Variants in CELSR1 observed in about 807,000 individuals in gnomAD.
CELSR1 encodes cadherin EGF LAG seven-pass G-type receptor 1.
CELSR1 carries 110 observed loss-of-function variants against 249.1 expected under a neutral mutation model. The ratio of observed to expected loss-of-function variants is 0.44; its 90% CI spans 0.38 to 0.52. The LOEUF (loss-of-function observed/expected upper bound fraction) is 0.52. CELSR1 is among the 20% of genes least tolerant of loss of function. CELSR1 has a pLI of 0.00. For synonymous variants in CELSR1, 2,113 were observed against 1,900.0 expected, an observed-to-expected ratio of 1.11 and a Z score of -2.92; for missense variants, 4,109 against 4,296.4, an observed-to-expected ratio of 0.96 and a Z score of 1.22.
In CELSR1 at chr22:46,484,995, TTTCAAGAGACTGA is replaced by T. The variant is rs1249381154; in HGVS notation, c.3545-20663_3545-20651del. On this transcript the variant is annotated intron_variant, in intron 1 of 34. Coordinates refer to ENST00000674500, the MANE Select transcript of CELSR1 (RefSeq NM_001378328.1). This position sits in a 1 kb window ranked among gnomAD's most constrained non-coding sequence, Gnocchi z 4.5. ...TTGCTGAGAAAATTCCAGTCCTAAA[TTTCAAGAGACTGA>T]TTCAGCATGACATTAGAAGGGTCAT... Among the ~76,000 whole-genome samples, 6 of 152,000 alleles carry T rather than the reference TTTCAAGAGACTGA, an allele frequency of 3.9e-5. No individual in the cohort carries two copies. Among genetic ancestry groups the T allele is most frequent in the African/African-American group, 1.2e-4 (5 of 41,402 alleles).
At chr22:46,376,256 G>C (rs2078917030) in intron 24 of CELSR1, among the ~76,000 whole-genome samples, 1 of 152,204 alleles carries the variant, frequency 6.6e-6, no homozygotes, top group South Asian at 2.1e-4. Context: ...GGCATTCATA[G>C]ATTTTTAAAA....
At position 46,490,759 on chromosome 22, in the gene CELSR1, G is replaced by C. The variant is rs921152532; in HGVS notation, c.3545-26414C>G. 6.6e-6 allele frequency among the ~76,000 whole-genome samples: 1 copy of C among 152,164 alleles called. No homozygotes were observed. The highest frequency in any genetic ancestry group is 2.4e-5 in the African/African-American group (1 of 41,408). ...CTGCAGCCACCACAGGGTGCAGAGT[G>C]AGTTTCTGGTTTTGCCGCTCTTGTG... On this transcript the variant is annotated intron_variant, in intron 1 of 34. Coordinates refer to ENST00000674500, the MANE Select transcript of CELSR1 (RefSeq NM_001378328.1). This position sits in a 1 kb window ranked among gnomAD's most constrained non-coding sequence, Gnocchi z 5.2.
chr22:46,498,946 G>A (rs1410389898), intron 1 of CELSR1, among the ~76,000 whole-genome samples: 11 of 152,008 alleles, frequency 7.2e-5, no homozygotes, highest in Admixed American at 3.3e-4. Flanking sequence ...CTGGGAGGCC[G>A]AGGCAGGTGG....
rs148649879 is a variant in CELSR1, at chr22:46,441,014, G to T, written c.4184-1603C>A. Among the ~76,000 whole-genome samples, 720 of 152,148 alleles carry T rather than the reference G, an allele frequency of 4.7e-3. 6 individuals are homozygous for T. Among genetic ancestry groups the T allele is most frequent in the African/African-American group, 0.016 (681 of 41,494 alleles). On this transcript the variant is annotated intron_variant, in intron 2 of 34. Coordinates refer to ENST00000674500, the MANE Select transcript of CELSR1 (RefSeq NM_001378328.1). The surrounding 1 kb of genome is among the most constrained non-coding windows in gnomAD (Gnocchi z 6.1). ...CTAAAAATACAAAAATTAGCCAGGC[G>T]TGGTGGCGGGTGCCTGTAATCCCAT...
Position 46,428,306 on chromosome 22 carries a change from C to T in CELSR1, c.4611+5087G>A. Among the ~76,000 whole-genome samples the T allele has an allele frequency of 6.6e-6, 1 of 152,234 alleles. No homozygotes were observed. The highest frequency in any genetic ancestry group is 1.9e-4 in the East Asian group (1 of 5,196). On this transcript the variant is annotated intron_variant, in intron 5 of 34. Transcript: ENST00000674500. This position sits in a 1 kb window ranked among gnomAD's most constrained non-coding sequence, Gnocchi z 5.7. ...TCCAGCAGCCAGCTCAGGCATGGGG[C>T]TTCATTGCGTGTGGTCTAGCCACCC...
At position 46,382,066 on chromosome 22, in the gene CELSR1, A is replaced by G. The variant is rs1174390455; in HGVS notation, c.6884-16T>C. On this transcript the variant is annotated splice_polypyrimidine_tract_variant and intron_variant, in intron 20 of 34. Coordinates refer to ENST00000674500, the MANE Select transcript of CELSR1 (RefSeq NM_001378328.1). ...AGGGGGCCTTCTGCAATGTGAGCAG[A>G]AGGTGAGGACTCTGGCAGGAGCACC... 2.6e-6 allele frequency: 4 copies of G among 1,511,152 alleles called. No homozygotes were observed. Among genetic ancestry groups the G allele is most frequent in the African/African-American group, 1.4e-5 (1 of 72,112 alleles). The allele number at this position is 1,511,152 out of a possible 1,614,324, so 93.6% of individuals were successfully genotyped here.
At position 46,395,129 on chromosome 22, in the gene CELSR1, C is replaced by A. The variant is rs1164801996; in HGVS notation, c.5844-867G>T. On this transcript the variant is annotated intron_variant, in intron 13 of 34. Coordinates refer to ENST00000674500, the MANE Select transcript of CELSR1 (RefSeq NM_001378328.1). This position sits in a 1 kb window ranked among gnomAD's most constrained non-coding sequence, Gnocchi z 5.5. ...TGTGTACAAATCAGGGTCATAAAGACAACCAGGCCAGAGATAGAGTCTGGC... is the reference window on the plus strand; with the variant it reads ...TGTGTACAAATCAGGGTCATAAAGAAAACCAGGCCAGAGATAGAGTCTGGC... Among the ~76,000 whole-genome samples, 1 of 152,242 alleles carries A rather than the reference C, an allele frequency of 6.6e-6. No individual in the cohort carries two copies. Among genetic ancestry groups the A allele is most frequent in the African/African-American group, 2.4e-5 (1 of 41,468 alleles).
intron 2 of CELSR1, among the ~76,000 whole-genome samples, chr22:46,452,074 T>A (rs750083704): frequency 3.3e-5 from 5 of 152,206 alleles, no homozygotes; most frequent in Middle Eastern, 6.8e-3. Flanking sequence ...ACACCTTGAT[T>A]TCGGCCTTCC....
chr22:46,511,865 C>T (rs963953357), intron 1 of CELSR1, among the ~76,000 whole-genome samples: 7 of 152,164 alleles, frequency 4.6e-5, no homozygotes, highest in African/African-American at 1.7e-4. Context: ...GTAAACATCC[C>T]TCGGTCATTA....
rs2080870566 is a variant in CELSR1 at position 46,537,378 on chromosome 22, G to T, written c.-208C>A. On this transcript the variant is annotated 5_prime_UTR_variant, in exon 1 of 35. Transcript: ENST00000674500. The surrounding 1 kb of genome is among the most constrained non-coding windows in gnomAD (Gnocchi z 5.8). The stretch of plus-strand genomic sequence containing the variant: ...AGCTTCCACTTCGAGAGCACTTTGC[G>T]AAAGTTTGCGAAGTTGGTTTCAAGA... 6.7e-6 allele frequency among the ~76,000 whole-genome samples: 1 copy of T among 148,764 alleles called. No homozygotes were observed. The highest frequency in any genetic ancestry group is 2.4e-5 in the African/African-American group (1 of 41,036).
At chr22:46,478,172 G>A (rs530894424) in intron 1 of CELSR1, among the ~76,000 whole-genome samples, 27 of 152,188 alleles carry the variant, frequency 1.8e-4, no homozygotes, top group African/African-American at 3.6e-4. Flanking sequence ...CTCAGCACCC[G>A]GCTTTGCCAG....
At position 46,391,574 on chromosome 22, in the gene CELSR1, C is replaced by T. The variant is rs1187838056; in HGVS notation, c.6148+59G>A. On this transcript the variant is annotated intron_variant, in intron 15 of 34. Coordinates refer to ENST00000674500, the MANE Select transcript of CELSR1 (RefSeq NM_001378328.1). This position sits in a 1 kb window ranked among gnomAD's most constrained non-coding sequence, Gnocchi z 4.3. ...CAGCGTGCATGCACACACGTGCACG[C>T]CAGTGCAGCAGCCTGTCCCCGCGCT... 1.3e-6 allele frequency: 2 copies of T among 1,494,560 alleles called. No homozygotes were observed. The highest frequency in any genetic ancestry group is 1.8e-6 in the Non-Finnish European group (2 of 1,129,252). The allele number at this position is 1,494,560 out of a possible 1,614,324, so 92.6% of individuals were successfully genotyped here.
intron 1 of CELSR1, among the ~76,000 whole-genome samples, chr22:46,476,252 T>A (rs766197337): frequency 1.3e-5 from 2 of 152,148 alleles, no homozygotes; most frequent in African/African-American, 2.4e-5. Flanking sequence ...AATGTATGAA[T>A]GGACAAACCC....
In CELSR1 at chr22:46,471,845, C is replaced by T. The variant is rs77995317; in HGVS notation, c.3545-7500G>A. ...AGCTCCCCTGCACCGTGGTGGCTTC[C>T]AGCCTTCCCTGGGTCTGGGACCTGT... On this transcript the variant is annotated intron_variant, in intron 1 of 34. Transcript: ENST00000674500. The surrounding 1 kb of genome is among the most constrained non-coding windows in gnomAD (Gnocchi z 4.9). Among the ~76,000 whole-genome samples, 2,953 of 152,340 alleles carry T rather than the reference C, an allele frequency of 0.019. 80 individuals are homozygous for T. The highest frequency in any genetic ancestry group is 0.052 in the African/African-American group (2,155 of 41,570).
At position 46,430,247 on chromosome 22, in the gene CELSR1, A is replaced by T. The variant is rs568229072; in HGVS notation, c.4611+3146T>A. On this transcript the variant is annotated intron_variant, in intron 5 of 34. Coordinates refer to ENST00000674500, the MANE Select transcript of CELSR1 (RefSeq NM_001378328.1). The surrounding 1 kb of genome is among the most constrained non-coding windows in gnomAD (Gnocchi z 4.6). ...CGGCATGGCCCGCACCAATGCTTCC[A>T]CCCTCTCCAGACTGCTGTATGCTGA... Among the ~76,000 whole-genome samples the T allele has an allele frequency of 4.6e-5, 7 of 152,250 alleles. No individual in the cohort carries two copies. Among genetic ancestry groups the T allele is most frequent in the African/African-American group, 1.7e-4 (7 of 41,536 alleles).
chr22:46,492,425 A>T (rs908953535), intron 1 of CELSR1, among the ~76,000 whole-genome samples: 1 of 152,186 alleles, frequency 6.6e-6, no homozygotes, highest in African/African-American at 2.4e-5. Flanking sequence ...TCAACCAGGG[A>T]CAGAAATTAC....
rs749059202 is a variant in CELSR1, at chr22:46,534,561, C to T, written c.2610G>A (p.Pro870=). The change falls in exon 1 of 35, where the codon CCG becomes CCA. Residue 870 remains proline, a synonymous_variant. Transcript: ENST00000674500. This position sits in a 1 kb window ranked among gnomAD's most constrained non-coding sequence, Gnocchi z 9.7. Reference sequence around the variant, plus strand: ...CTAGGGTGGTGGTGTCTGATTTCTGCGGGATGCCGTTGTCCTGGGCCATGA... The same window carrying T: ...CTAGGGTGGTGGTGTCTGATTTCTGTGGGATGCCGTTGTCCTGGGCCATGA... ...LTIMAQDNGI[P]QKSDTTTLEI... 21 of 1,613,554 alleles carry T rather than the reference C, an allele frequency of 1.3e-5. No individual in the cohort carries two copies. The highest frequency in any genetic ancestry group is 4.5e-5 in the East Asian group (2 of 44,886).
At chr22:46,379,975 C>A (rs1436322726) in intron 22 of CELSR1, among the ~76,000 whole-genome samples, 3 of 152,162 alleles carry the variant, frequency 2.0e-5, no homozygotes, top group Non-Finnish European at 1.5e-5. Context: ...AAAGTGAAAA[C>A]CAACCAGCAG....
At chr22:46,502,682 A>G (rs1026863220) in intron 1 of CELSR1, among the ~76,000 whole-genome samples, 7 of 152,164 alleles carry the variant, frequency 4.6e-5, no homozygotes, top group African/African-American at 1.7e-4. Context: ...CCCCACTGTC[A>G]CATGGGGAAA....
Sources: gnomAD v4.1 joint callset for allele counts (sites outside exome capture counted in the v4.1 genomes callset) on GRCh38, gnomAD v4.1.1 for gene constraint, Gnocchi (gnomAD v3.1) non-coding constraint, MANE v1.5 for transcripts, NCBI Gene and HGNC (gene_info 2026-07-23, HGNC 2026-07-21) for gene names.